RAB3GAP1: variants seen among roughly 807,000 people sequenced by gnomAD.
RAB3GAP1 encodes rab3 GTPase-activating protein catalytic subunit.
Under a neutral mutation model 130.7 loss-of-function variants are expected in RAB3GAP1, and 86 were observed. The ratio of observed to expected loss-of-function variants is 0.66; its 90% CI spans 0.55 to 0.79. RAB3GAP1 has a LOEUF of 0.79. Ranked by LOEUF, RAB3GAP1 falls within the 30% of genes least tolerant of loss-of-function variation. The pLI is 0.00. For synonymous variants in RAB3GAP1, 367 were observed against 401.7 expected (o/e 0.91, Z 1.03); for missense variants, 1,029 against 1,169.4 (o/e 0.88, Z 1.75).
intron 17 of RAB3GAP1, among the ~76,000 whole-genome samples, chr2:135,138,124 G>C (rs569271965): frequency 6.6e-6 from 1 of 151,974 alleles, no homozygotes; most frequent in East Asian, 1.9e-4. Context: ...ACTGCACCCG[G>C]CCTGAAAACA....
chr2:135,072,131 A>G lies in RAB3GAP1; in HGVS notation c.150+14045A>G, dbSNP rs1401653695. Among the ~76,000 whole-genome samples the G allele has an allele frequency of 4.6e-5, 7 of 152,130 alleles. No homozygotes were observed. The East Asian group carries it at 1.2e-3, about 25-fold the overall frequency. On this transcript the variant is annotated intron_variant, in intron 3 of 23. Coordinates refer to ENST00000264158, the MANE Select transcript of RAB3GAP1 (RefSeq NM_012233.3). Reference sequence around the variant, plus strand: ...TCACTGTGTTGACCAGGCTGGTCTCAAACTCCTGACCTCAAGTGATCCTCC... The same window carrying G: ...TCACTGTGTTGACCAGGCTGGTCTCGAACTCCTGACCTCAAGTGATCCTCC...
chr2:135,091,208 C>T, intron 4 of RAB3GAP1, 78 bp downstream of exon 4: 1 of 1,347,952 alleles, frequency 7.4e-7, no homozygotes, highest in Non-Finnish European at 1.0e-6. Context: ...ATTTAGTGTT[C>T]TTCCATAGTG....
intron 4 of RAB3GAP1, 51 bp from the exon 5 acceptor site, chr2:135,093,562 ACT>A: frequency 7.4e-7 from 1 of 1,354,692 alleles, no homozygotes; most frequent in South Asian, 1.2e-5. Context: ...ATGTTATAAA[ACT>A]CTGCCTGATC....
chr2:135,077,468 G>C (rs2104851645), intron 3 of RAB3GAP1, among the ~76,000 whole-genome samples: 1 of 152,328 alleles, frequency 6.6e-6, no homozygotes, highest in Non-Finnish European at 1.5e-5. Flanking sequence ...CAGGCAGGAA[G>C]ATTACTTGAG....
chr2:135,058,219 C>A, intron 3 of RAB3GAP1, 133 bp downstream of exon 3: 1 of 748,208 alleles, frequency 1.3e-6, no homozygotes, highest in South Asian at 1.6e-5. Flanking sequence ...CATCAAATAG[C>A]ATTTGGAAGA....
chr2:135,070,398 A>T (rs1689434165), intron 3 of RAB3GAP1, among the ~76,000 whole-genome samples: 1 of 152,226 alleles, frequency 6.6e-6, no homozygotes, highest in Non-Finnish European at 1.5e-5. Context: ...CTCATCGTGG[A>T]TAGAAGGACT....
chr2:135,119,070 TCCTC>T (rs60770587), intron 7 of RAB3GAP1, among the ~76,000 whole-genome samples: 19,197 of 137,798 alleles, frequency 0.14, 1,605 homozygotes, highest in South Asian at 0.31. Context: ...CTTCCTTCCT[TCCTC>T]CCTCCCTCCC....
chr2:135,108,459 C>T (rs1314402753), intron 5 of RAB3GAP1, among the ~76,000 whole-genome samples: 4 of 149,946 alleles, frequency 2.7e-5, no homozygotes, highest in Admixed American at 6.6e-5. Flanking sequence ...TTTTCATACG[C>T]TTGTTTGCTA....
At position 135,162,603 on chromosome 2, in the gene RAB3GAP1, C is replaced by G. The variant is rs1285617284; in HGVS notation, c.2338C>G (p.Leu780Val). ...GAAACCTGCAGACCTTGCTCGGCAC[C>G]TGTTACCTTGTGTGATTCATGCAGC... Reference protein sequence around the residue: ...IQKPADLARHLLPCVIHAAVL... With the variant: ...IQKPADLARHVLPCVIHAAVL... Residue 780 changes from leucine (L) to valine (V), a missense_variant, in exon 20 of 24, where the codon CTG becomes GTG. By Grantham distance (32) the Leu-to-Val change is conservative (BLOSUM62 1). Around this residue, in one of 3 missense-constraint regions of RAB3GAP1, gnomAD observed 373 missense variants for 493.6 expected, o/e 0.76. Transcript: ENST00000264158. 2 of 1,614,010 alleles carry G rather than the reference C, an allele frequency of 1.2e-6. No homozygotes were observed. Among genetic ancestry groups the G allele is most frequent in the Non-Finnish European group, 1.7e-6 (2 of 1,180,010 alleles).
Position 135,142,419 on chromosome 2 carries a change from T to C in RAB3GAP1, c.1923+6487T>C, listed in dbSNP as rs1339408000. ...TTGCTACATTGACTTATTAGTAGTT[T>C]AGAGATTATTTGGAGTTTTCTACAT... On this transcript the variant is annotated intron_variant, in intron 17 of 23. Coordinates refer to ENST00000264158, the MANE Select transcript of RAB3GAP1 (RefSeq NM_012233.3). Among the ~76,000 whole-genome samples, 3 of 152,070 alleles carry C rather than the reference T, an allele frequency of 2.0e-5. No individual in the cohort carries two copies. In the East Asian group the frequency reaches 5.8e-4, roughly 29 times the overall value.
chr2:135,131,759 T>A (rs1396784020), intron 13 of RAB3GAP1, among the ~76,000 whole-genome samples: 1 of 152,242 alleles, frequency 6.6e-6, no homozygotes, highest in Non-Finnish European at 1.5e-5. Context: ...AACAAAACCT[T>A]GCGAGATTGT....
chr2:135,084,241 C>T (rs1160810613), intron 3 of RAB3GAP1, among the ~76,000 whole-genome samples: 1 of 152,126 alleles, frequency 6.6e-6, no homozygotes, highest in African/African-American at 2.4e-5. Context: ...GCGAAACTCC[C>T]TCTCAGAAAA....
chr2:135,071,977 A>C (rs1689487834), intron 3 of RAB3GAP1, among the ~76,000 whole-genome samples: 3 of 151,936 alleles, frequency 2.0e-5, no homozygotes, highest in Admixed American at 2.0e-4. Context: ...TAGTAGTGTG[A>C]TCTTGGCCCA....
intron 3 of RAB3GAP1, among the ~76,000 whole-genome samples, chr2:135,064,755 G>GT (rs746093269): frequency 0.14 from 14,228 of 104,784 alleles, 1,023 homozygotes; most frequent in South Asian, 0.35. Context: ...GAGGTGTTTT[G>GT]TTTTTTTTTT....
At chr2:135,089,599 G>A (rs955172181) in intron 3 of RAB3GAP1, 9 of 155,204 alleles carry the variant, frequency 5.8e-5, no homozygotes, top group African/African-American at 2.2e-4. Context: ...ATACCCAAAG[G>A]ATTATAAATC....
At chr2:135,106,768 TAA>T (rs1690637700) in intron 5 of RAB3GAP1, among the ~76,000 whole-genome samples, 3 of 61,482 alleles carry the variant, frequency 4.9e-5, no homozygotes, top group Non-Finnish European at 1.0e-4. Context: ...AAAAAAAAAA[TAA>T]AAAAATAAAA....
chr2:135,105,790 C>A (rs544072378), intron 5 of RAB3GAP1, among the ~76,000 whole-genome samples: 1 of 150,630 alleles, frequency 6.6e-6, no homozygotes, highest in African/African-American at 2.4e-5. Context: ...AAGTGAGGAG[C>A]GTCTCTGCCT....
downstream of RAB3GAP1, chr2:135,175,469 T>C (rs1692982448): frequency 6.6e-6 from 1 of 152,226 alleles, no homozygotes; most frequent in Admixed American, 6.5e-5. Flanking sequence ...ATGGAAACAA[T>C]GCAACCAACA....
intron 3 of RAB3GAP1, among the ~76,000 whole-genome samples, chr2:135,067,682 C>G (rs924853176): frequency 1.3e-5 from 2 of 152,166 alleles, no homozygotes; most frequent in Admixed American, 6.5e-5. Flanking sequence ...ATTGTGCTGT[C>G]TCAGTTACTG....
Sources: allele counts gnomAD v4.1 joint callset (sites outside exome capture counted in the v4.1 genomes callset), GRCh38; gene constraint gnomAD v4.1.1; regional missense constraint gnomAD v4.1.1; transcripts MANE v1.5; gene names NCBI Gene and HGNC (gene_info 2026-07-23, HGNC 2026-07-21).